Variants in SVIL observed in about 807,000 individuals in gnomAD.
The protein encoded by SVIL is supervillin.
A neutral mutation model predicts 240.4 loss-of-function variants in SVIL; 101 were observed. The observed-to-expected ratio is 0.42, with a 90% CI of 0.36 to 0.50. The LOEUF (loss-of-function observed/expected upper bound fraction) is 0.50, where lower values mean the gene tolerates loss of function less well. Ranked by LOEUF, SVIL falls within the 20% of genes least tolerant of loss-of-function variation. SVIL has a pLI of 0.01. For missense variants in SVIL, 2,512 were observed against 2,818.7 expected, an observed-to-expected ratio of 0.89 and a Z score of 2.46; for synonymous variants, 999 against 1,100.0, an observed-to-expected ratio of 0.91 and a Z score of 1.82.
chr10:29,531,123 C>A, intron 10 of SVIL, 131 bp downstream of exon 10: 1 of 865,738 alleles, frequency 1.2e-6, no homozygotes, highest in Non-Finnish European at 1.8e-6. Context: ...ATCCACAGAA[C>A]GAAAACCTGC....
At chr10:29,717,988 A>G (rs1318002044) in intron 1 of SVIL, among the ~76,000 whole-genome samples, 1 of 152,164 alleles carries the variant, frequency 6.6e-6, no homozygotes, top group Non-Finnish European at 1.5e-5. Context: ...TTGAAATAAC[A>G]TTTTGGGTAG....
intron 17 of SVIL, among the ~76,000 whole-genome samples, chr10:29,507,218 C>T (rs956248537): frequency 6.6e-6 from 1 of 152,058 alleles, no homozygotes; most frequent in Admixed American, 6.6e-5. Context: ...CCCTCCACAC[C>T]CCAAACTGCC....
chr10:29,560,490 A>G (rs1368188799), intron 3 of SVIL, among the ~76,000 whole-genome samples: 4 of 152,206 alleles, frequency 2.6e-5, no homozygotes, highest in African/African-American at 4.8e-5. Flanking sequence ...TTACATAGGT[A>G]AAGATTTTTA....
intron 1 of SVIL, among the ~76,000 whole-genome samples, chr10:29,610,929 C>T (rs1957221695): frequency 6.6e-6 from 1 of 152,200 alleles, no homozygotes; most frequent in African/African-American, 2.4e-5. Flanking sequence ...GAAGGAGGCT[C>T]TTCGCTACCC....
intron 18 of SVIL, among the ~76,000 whole-genome samples, chr10:29,496,042 G>C (rs977479227): frequency 2.0e-5 from 3 of 152,160 alleles, no homozygotes; most frequent in Admixed American, 6.5e-5. Flanking sequence ...TTGCCACTTA[G>C]ATGACAATGC....
chr10:29,590,165 C>CA (rs58469441), intron 1 of SVIL, among the ~76,000 whole-genome samples: 8,864 of 79,326 alleles, frequency 0.11, 1,083 homozygotes, highest in East Asian at 0.28. Context: ...GACTCCGTCT[C>CA]AAAAAAAAAA....
chr10:29,553,844 C>T (rs1953628890), intron 5 of SVIL, among the ~76,000 whole-genome samples: 1 of 152,178 alleles, frequency 6.6e-6, no homozygotes, highest in Non-Finnish European at 1.5e-5. Flanking sequence ...TCTTGCATCT[C>T]CAGAGTAAGA....
chr10:29,458,841 C>G (rs777674340), intron 36 of SVIL: 1 of 251,522 alleles, frequency 4.0e-6, no homozygotes, highest in East Asian at 1.0e-4. Context: ...AGGTCTCACT[C>G]TGCTACTCAG....
At chr10:29,534,182 G>T (rs1198428116) in intron 7 of SVIL, among the ~76,000 whole-genome samples, 1 of 152,142 alleles carries the variant, frequency 6.6e-6, no homozygotes, top group African/African-American at 2.4e-5. Flanking sequence ...CCCCTGTCCT[G>T]CTGTTATGCT....
At chr10:29,498,088 CAAAAAAAAAAAAA>C (rs34280398) in intron 18 of SVIL, among the ~76,000 whole-genome samples, 2 of 37,482 alleles carry the variant, frequency 5.3e-5, no homozygotes, top group East Asian at 9.2e-4. Context: ...TCCCCTCCAC[CAAAAAAAAAAAAA>C]AAAAAAAAAA....
Position 29,541,930 on chromosome 10 carries a change from C to T in SVIL, c.828-5861G>A, listed in dbSNP as rs2132605835. Among the ~76,000 whole-genome samples the T allele has an allele frequency of 2.0e-5, 3 of 152,282 alleles. 1 individual carries two copies. The South Asian group carries it at 6.2e-4, about 32-fold the overall frequency. On this transcript the variant is annotated intron_variant, in intron 6 of 37. Transcript: ENST00000355867. ...CAAGACCACATACAAGAACCCCAATCCCAGACAAAGCAGAAAGAGCTTTGT... is the reference window on the plus strand; with the variant it reads ...CAAGACCACATACAAGAACCCCAATTCCAGACAAAGCAGAAAGAGCTTTGT...
At chr10:29,530,017 T>G (rs1027013291) in intron 11 of SVIL, among the ~76,000 whole-genome samples, 173 bp from the exon 12 acceptor site, 2 of 151,920 alleles carry the variant, frequency 1.3e-5, no homozygotes, top group Non-Finnish European at 2.9e-5. Flanking sequence ...CTACAAAAAA[T>G]GCATAAATTA....
chr10:29,505,533 A>G (rs183345040), intron 17 of SVIL, among the ~76,000 whole-genome samples: 2 of 152,270 alleles, frequency 1.3e-5, no homozygotes, highest in Admixed American at 1.3e-4. Flanking sequence ...GGTGAGAGTG[A>G]TGAGCAGGCA....
intron 1 of SVIL, among the ~76,000 whole-genome samples, chr10:29,617,271 C>T (rs1387438082): frequency 6.6e-6 from 1 of 152,158 alleles, no homozygotes; most frequent in Non-Finnish European, 1.5e-5. Flanking sequence ...CATTTGTATT[C>T]TTTTCTGCTG....
At chr10:29,619,544 A>T (rs1166524213) in intron 1 of SVIL, among the ~76,000 whole-genome samples, 2 of 152,214 alleles carry the variant, frequency 1.3e-5, no homozygotes, top group African/African-American at 4.8e-5. Context: ...AGCCAAACTC[A>T]CAGCCCTGCT....
intron 17 of SVIL, chr10:29,508,349 A>C: frequency 7.8e-7 from 1 of 1,289,052 alleles, no homozygotes; most frequent in Non-Finnish European, 1.0e-6. Flanking sequence ...TACCCAAAGC[A>C]GATTAGAAAT....
intron 3 of SVIL, chr10:29,647,147 T>C (rs975332059): frequency 2.6e-5 from 4 of 152,136 alleles, no homozygotes; most frequent in African/African-American, 9.7e-5. Flanking sequence ...CTCTTAACCA[T>C]ATCCCAGGAA....
chr10:29,638,031 A>G (rs1177540200), upstream of SVIL, among the ~76,000 whole-genome samples: 2 of 152,186 alleles, frequency 1.3e-5, no homozygotes, highest in African/African-American at 4.8e-5. Flanking sequence ...GATTGACCAC[A>G]TCAGTGTCAA....
chr10:29,736,150 G>A (rs546968940), upstream of SVIL, among the ~76,000 whole-genome samples: 1 of 152,126 alleles, frequency 6.6e-6, no homozygotes, highest in Non-Finnish European at 1.5e-5. Flanking sequence ...AAGCACCAGA[G>A]CTGTCCCCAC....
Sources: gnomAD v4.1 joint callset for allele counts (sites outside exome capture counted in the v4.1 genomes callset) on GRCh38, gnomAD v4.1.1 for gene constraint, MANE v1.5 for transcripts, NCBI Gene and HGNC (gene_info 2026-07-23, HGNC 2026-07-21) for gene names.